The following CUX1 variants were observed in gnomAD, a reference collection of about 807,000 sequenced individuals.
CUX1 encodes the protein protein CASP.
Under a neutral mutation model 158.8 loss-of-function variants are expected in CUX1, and 31 were observed. That is an observed-to-expected ratio of 0.20 (90% CI 0.15 to 0.26). CUX1 has a LOEUF of 0.26. CUX1 is among the 10% of genes least tolerant of loss of function. The pLI is 1.00. For synonymous variants in CUX1, 879 were observed against 862.1 expected, an observed-to-expected ratio of 1.02 and a Z score of -0.34; for missense variants, 1,589 against 2,014.6, an observed-to-expected ratio of 0.79 and a Z score of 4.04.
chr7:101,898,758 T>C (rs1171025085), intron 1 of CUX1, among the ~76,000 whole-genome samples: 1 of 152,050 alleles, frequency 6.6e-6, no homozygotes, highest in East Asian at 1.9e-4. Flanking sequence ...ACCTGGCTAA[T>C]ATTTATATTT....
At chr7:102,244,508 G>C (rs1189401592) in intron 23 of CUX1, among the ~76,000 whole-genome samples, 1 of 145,494 alleles carries the variant, frequency 6.9e-6, no homozygotes, top group East Asian at 2.1e-4. Context: ...GACCAGACTG[G>C]GCAACATAGT....
chr7:102,163,702 C>T (rs1790704640), intron 9 of CUX1, among the ~76,000 whole-genome samples: 1 of 152,112 alleles, frequency 6.6e-6, no homozygotes, highest in Non-Finnish European at 1.5e-5. Flanking sequence ...GCCATCCCTG[C>T]GGAGGTGAGC....
At chr7:101,825,786 TGTGTGTGTGTGTGCGCGC>T (rs1222709813) in intron 1 of CUX1, among the ~76,000 whole-genome samples, 1,118 of 103,698 alleles carry the variant, frequency 0.011, 20 homozygotes, top group African/African-American at 0.045. Flanking sequence ...TGTGTGTGTG[TGTGTGTGTGTGTGCGCGC>T]GCGCGCGCAG....
At chr7:102,095,523 C>T (rs958255363) in intron 4 of CUX1, among the ~76,000 whole-genome samples, 2 of 152,232 alleles carry the variant, frequency 1.3e-5, no homozygotes, top group African/African-American at 2.4e-5. Flanking sequence ...CATATCCCAG[C>T]GCCTGCCTTT....
intron 2 of CUX1, among the ~76,000 whole-genome samples, chr7:102,026,979 G>A (rs1051763691): frequency 5.3e-5 from 8 of 152,204 alleles, no homozygotes; most frequent in African/African-American, 1.4e-4. Flanking sequence ...ATGCACCTAT[G>A]GGATGTCCTG....
chr7:102,134,637 G>A (rs1833691131), intron 8 of CUX1, among the ~76,000 whole-genome samples: 1 of 152,154 alleles, frequency 6.6e-6, no homozygotes, highest in Non-Finnish European at 1.5e-5. Flanking sequence ...CAGCTCTGTT[G>A]CCCAGACTGG....
intron 23 of CUX1, among the ~76,000 whole-genome samples, chr7:102,243,670 AT>A (rs1554535799): frequency 2.5e-4 from 37 of 146,618 alleles, no homozygotes; most frequent in African/African-American, 5.3e-4. Flanking sequence ...AATAATAATA[AT>A]AATAATAAAA....
At chr7:102,272,021 C>CAATAA (rs1405023622) in intron 14 of CUX1, among the ~76,000 whole-genome samples, 3 of 151,964 alleles carry the variant, frequency 2.0e-5, no homozygotes, top group African/African-American at 4.8e-5. Flanking sequence ...GACTCTGTCT[C>CAATAA]AATAAAATAA....
chr7:101,921,483 G>A (rs1018115508), intron 2 of CUX1, among the ~76,000 whole-genome samples: 2 of 144,826 alleles, frequency 1.4e-5, no homozygotes, highest in African/African-American at 2.5e-5. Flanking sequence ...TTTATGAGGC[G>A]GAGTTTCACT....
At chr7:102,123,033 C>T (rs1832220306) in intron 8 of CUX1, among the ~76,000 whole-genome samples, 1 of 151,976 alleles carries the variant, frequency 6.6e-6, no homozygotes, top group Non-Finnish European at 1.5e-5. Flanking sequence ...AAGTTCAAGA[C>T]CAGACCAGCC....
chr7:101,874,815 T>A (rs1217075928), intron 1 of CUX1, among the ~76,000 whole-genome samples: 2 of 152,192 alleles, frequency 1.3e-5, no homozygotes, highest in African/African-American at 4.8e-5. Flanking sequence ...GTTGATACCA[T>A]TGAAGACAAT....
At chr7:102,242,923 AG>A (rs1563476567) in intron 23 of CUX1, among the ~76,000 whole-genome samples, 1 of 152,200 alleles carries the variant, frequency 6.6e-6, no homozygotes, top group African/African-American at 2.4e-5. Context: ...AAGATAGAGA[AG>A]GGGAGAGAAG....
At chr7:101,984,123 T>C (rs1326331705) in intron 2 of CUX1, among the ~76,000 whole-genome samples, 608 of 42,090 alleles carry the variant, frequency 0.014, 70 homozygotes, top group African/African-American at 0.049. Context: ...TATATATATA[T>C]ATATATACAC....
chr7:101,897,882 A>C (rs1801684927), intron 1 of CUX1, among the ~76,000 whole-genome samples: 1 of 152,122 alleles, frequency 6.6e-6, no homozygotes, highest in Non-Finnish European at 1.5e-5. Flanking sequence ...AAAAAGCTGG[A>C]TTTTATCAAT....
intron 1 of CUX1, among the ~76,000 whole-genome samples, chr7:101,837,424 G>A (rs2131107379): frequency 6.6e-6 from 1 of 152,238 alleles, no homozygotes. Flanking sequence ...TGTCAACTCA[G>A]ATGAGTGAAT....
chr7:102,102,297 G>A (rs558792272), intron 5 of CUX1, among the ~76,000 whole-genome samples: 3 of 151,682 alleles, frequency 2.0e-5, no homozygotes, highest in South Asian at 2.1e-4. Flanking sequence ...TGTGGTGCGC[G>A]CCTGTAATCT....
chr7:102,186,615 A>G (rs1793657453), intron 11 of CUX1, among the ~76,000 whole-genome samples: 1 of 150,488 alleles, frequency 6.6e-6, no homozygotes, highest in Non-Finnish European at 1.5e-5. Flanking sequence ...ATTTATGCCT[A>G]TTTTTCATAC....
intron 2 of CUX1, among the ~76,000 whole-genome samples, chr7:101,998,678 A>G (rs1002022309): frequency 6.6e-6 from 1 of 152,182 alleles, no homozygotes; most frequent in African/African-American, 2.4e-5. Context: ...CACTGGTGAA[A>G]AAAATTGGTT....
intron 7 of CUX1, among the ~76,000 whole-genome samples, chr7:102,112,648 A>C (rs201497): frequency 0.62 from 94,163 of 151,142 alleles, 31,030 homozygotes; most frequent in African/African-American, 0.8. Flanking sequence ...CAGGTCACTG[A>C]AACCTTTACC....
Sources: allele counts gnomAD v4.1 joint callset (sites outside exome capture counted in the v4.1 genomes callset), GRCh38; gene constraint gnomAD v4.1.1; transcripts MANE v1.5; gene names NCBI Gene and HGNC (gene_info 2026-07-23, HGNC 2026-07-21).